The following HECW2 variants were observed in gnomAD, a reference collection of about 807,000 sequenced individuals.
The protein encoded by HECW2 is E3 ubiquitin-protein ligase HECW2.
A neutral mutation model predicts 175.2 loss-of-function variants in HECW2; 61 were observed. The ratio of observed to expected loss-of-function variants is 0.35; its 90% CI spans 0.28 to 0.43. The LOEUF (loss-of-function observed/expected upper bound fraction) is 0.43, where lower values mean the gene tolerates loss of function less well. HECW2 is among the 20% of genes least tolerant of loss of function. HECW2 has a pLI of 1.00. For synonymous variants in HECW2, 671 were observed against 731.0 expected, an observed-to-expected ratio of 0.92 and a Z score of 1.32; for missense variants, 1,524 against 2,000.5, an observed-to-expected ratio of 0.76 and a Z score of 4.54.
chr2:196,315,573 G>C (rs933079110), intron 10 of HECW2, among the ~76,000 whole-genome samples: 7 of 152,154 alleles, frequency 4.6e-5, no homozygotes, highest in African/African-American at 1.7e-4. Context: ...GTCAGTCACT[G>C]ATTAAATACC....
At chr2:196,267,338 A>G (rs1689555925) in intron 17 of HECW2, among the ~76,000 whole-genome samples, 2 of 152,216 alleles carry the variant, frequency 1.3e-5, no homozygotes, top group Admixed American at 1.3e-4. Flanking sequence ...TAATGAATAT[A>G]TTTGTATTCG....
At chr2:196,385,490 T>C (rs1371698621) in intron 2 of HECW2, among the ~76,000 whole-genome samples, 1 of 152,210 alleles carries the variant, frequency 6.6e-6, no homozygotes, top group South Asian at 2.1e-4. Context: ...TTAAGCCCTA[T>C]GCCCTGATAC....
chr2:196,375,108 G>C (rs1194683808), intron 2 of HECW2, among the ~76,000 whole-genome samples: 1 of 150,930 alleles, frequency 6.6e-6, no homozygotes, highest in Non-Finnish European at 1.5e-5. Flanking sequence ...GCAGTGAGCT[G>C]AGATCATGCC....
intron 2 of HECW2, among the ~76,000 whole-genome samples, chr2:196,372,355 C>T (rs1693930355): frequency 6.6e-6 from 1 of 152,218 alleles, no homozygotes; most frequent in Admixed American, 6.5e-5. Context: ...AAGACCTGCA[C>T]TGTGAACAGT....
chr2:196,206,326 A>G (rs1209457679), intron 28 of HECW2, among the ~76,000 whole-genome samples: 1 of 152,210 alleles, frequency 6.6e-6, no homozygotes, highest in Non-Finnish European at 1.5e-5. Context: ...AATTCTCCAG[A>G]CATCTGGTCT....
intron 17 of HECW2, among the ~76,000 whole-genome samples, chr2:196,258,885 A>G (rs567635409): frequency 1.3e-5 from 2 of 152,314 alleles, no homozygotes; most frequent in South Asian, 2.1e-4. Context: ...TAAAATACCA[A>G]TCACTGATAC....
chr2:196,430,428 GAA>G (rs78466113), intron 2 of HECW2, among the ~76,000 whole-genome samples: 1 of 149,360 alleles, frequency 6.7e-6, no homozygotes, highest in Non-Finnish European at 1.5e-5. Context: ...CATGGTCAAT[GAA>G]AAAAAAAATA....
intron 1 of HECW2, among the ~76,000 whole-genome samples, chr2:196,488,897 A>G (rs1687098269): frequency 6.6e-6 from 1 of 152,220 alleles, no homozygotes. Flanking sequence ...ACACATAAGA[A>G]GCACTCTATA....
chr2:196,586,357 C>T (rs533684144), intron 1 of HECW2, among the ~76,000 whole-genome samples: 1 of 152,282 alleles, frequency 6.6e-6, no homozygotes, highest in African/African-American at 2.4e-5. Flanking sequence ...TTTCTAATCA[C>T]TGTCATAAGG....
chr2:196,242,059 T>C (rs1295074581), intron 20 of HECW2, 25 bp downstream of exon 20: 2 of 1,611,524 alleles, frequency 1.2e-6, no homozygotes, highest in Non-Finnish European at 8.5e-7. Context: ...CTATACATTA[T>C]GTGGTTTGTG....
At chr2:196,500,621 CAATT>C (rs1209621617) in intron 1 of HECW2, among the ~76,000 whole-genome samples, 14 of 152,158 alleles carry the variant, frequency 9.2e-5, no homozygotes. Flanking sequence ...TAAACTAGCT[CAATT>C]AACACCACTT....
At chr2:196,342,795 G>A (rs982691194) in intron 3 of HECW2, among the ~76,000 whole-genome samples, 4 of 151,976 alleles carry the variant, frequency 2.6e-5, no homozygotes, top group Admixed American at 6.6e-5. Context: ...TTATTCTGCC[G>A]CTGGCAAAAA....
rs372804977 is a variant in HECW2 at position 196,274,084 on chromosome 2, G to A, written c.3175C>T (p.Pro1059Ser). 25 of 1,614,170 alleles carry A rather than the reference G, an allele frequency of 1.5e-5. No homozygotes were observed. Among genetic ancestry groups the A allele is most frequent in the Non-Finnish European group, 2.1e-5 (25 of 1,179,988 alleles). ...GTATTGAATGTACTGGATGGCCTGG[G>A]AAGAACTGGTGGTCCTGCATGTCGA... is the stretch of plus-strand genomic sequence containing the variant. ...DSRHAGPPVLPRPSSTFNTVS... is the reference protein window; with the variant it reads ...DSRHAGPPVLSRPSSTFNTVS... Residue 1059 changes from proline to serine, a missense_variant, in exon 16 of 29, where the codon CCC becomes TCC. Coordinates refer to ENST00000644978, the MANE Select transcript of HECW2 (RefSeq NM_001348768.2).
chr2:196,301,725 G>GTTT (rs377063164), intron 13 of HECW2, among the ~76,000 whole-genome samples: 1 of 112,870 alleles, frequency 8.9e-6, no homozygotes, highest in Non-Finnish European at 1.9e-5. Flanking sequence ...TAATGGGATT[G>GTTT]TTTTTTTTTT....
chr2:196,398,472 A>G (rs1694732576), intron 2 of HECW2, among the ~76,000 whole-genome samples: 1 of 152,228 alleles, frequency 6.6e-6, no homozygotes, highest in Non-Finnish European at 1.5e-5. Context: ...GGAAAACATA[A>G]GCAGTAAGAT....
In HECW2 at chr2:196,200,111, A is replaced by G. The variant is rs1168106217; in HGVS notation, c.*1166T>C. 1 of 152,660 alleles carries G rather than the reference A, an allele frequency of 6.6e-6. No individual in the cohort carries two copies. The highest frequency in any genetic ancestry group is 1.9e-4 in the East Asian group (1 of 5,204). The allele number at this position is 152,660 out of a possible 1,614,324, so 9.5% of individuals were successfully genotyped here. A position where few individuals can be genotyped will look rare whatever the true frequency, so the allele number is the denominator to read the frequency against. On this transcript the variant is annotated 3_prime_UTR_variant, in exon 29 of 29. Transcript: ENST00000644978. ...TGATGGATGGAAGAGAGTCTAATGC[A>G]TTTTAAATAAATGCATATCATACTA...
intron 2 of HECW2, among the ~76,000 whole-genome samples, chr2:196,398,141 GA>G (rs11343455): frequency 0.91 from 136,824 of 150,442 alleles, 62,567 homozygotes; most frequent in East Asian, 1. Context: ...GGAGTTAGGG[GA>G]AAATGGCCTG....
At chr2:196,391,282 C>T (rs755208030) in intron 2 of HECW2, among the ~76,000 whole-genome samples, 3 of 152,136 alleles carry the variant, frequency 2.0e-5, no homozygotes, top group Non-Finnish European at 4.4e-5. Flanking sequence ...TAACAGTACC[C>T]TGCCCCACTG....
chr2:196,292,815 A>G, intron 13 of HECW2, 65 bp from the exon 14 acceptor site: 1 of 1,251,238 alleles, frequency 8.0e-7, no homozygotes, highest in Non-Finnish European at 1.1e-6. Flanking sequence ...CAGAAATACT[A>G]CACATGGGTA....
Sources: allele counts gnomAD v4.1 joint callset (sites outside exome capture counted in the v4.1 genomes callset), GRCh38; gene constraint gnomAD v4.1.1; transcripts MANE v1.5; gene names NCBI Gene and HGNC (gene_info 2026-07-23, HGNC 2026-07-21).